WIF1: variants seen among roughly 807,000 people sequenced by gnomAD.
WIF1 encodes the protein Wnt inhibitory factor 1.
Under a neutral mutation model 53.5 loss-of-function variants are expected in WIF1, and 35 were observed. The observed-to-expected ratio is 0.65, with a 90% CI of 0.50 to 0.87. The LOEUF (loss-of-function observed/expected upper bound fraction) is 0.87. Among genes scored for constraint, WIF1 ranks in the 40% least tolerant of loss-of-function variants. WIF1 has a pLI of 0.00. For synonymous variants in WIF1, 171 were observed against 170.4 expected, an observed-to-expected ratio of 1.00 and a Z score of -0.03; for missense variants, 467 against 476.8, an observed-to-expected ratio of 0.98 and a Z score of 0.19.
At chr12:65,060,295 A>G (rs988184676) in intron 7 of WIF1, among the ~76,000 whole-genome samples, 12 of 152,218 alleles carry the variant, frequency 7.9e-5, no homozygotes, top group Non-Finnish European at 2.9e-5. Context: ...AAACAACCCA[A>G]ATGTCCAACA....
At chr12:65,100,380 C>CTT (rs1883264954) in intron 2 of WIF1, among the ~76,000 whole-genome samples, 1 of 152,168 alleles carries the variant, frequency 6.6e-6, no homozygotes, top group African/African-American at 2.4e-5. Context: ...CTGAGAAAAA[C>CTT]TTGTCCTAAC....
At chr12:65,117,809 A>T (rs1592407464) in intron 2 of WIF1, among the ~76,000 whole-genome samples, 1 of 152,070 alleles carries the variant, frequency 6.6e-6, no homozygotes, top group Non-Finnish European at 1.5e-5. Context: ...TAGGGTTCAC[A>T]CTCCTATGAG....
At chr12:65,093,383 T>A (rs1179923081) in intron 2 of WIF1, among the ~76,000 whole-genome samples, 1 of 152,198 alleles carries the variant, frequency 6.6e-6, no homozygotes, top group Non-Finnish European at 1.5e-5. Context: ...TTTTTTTGTT[T>A]GTTTTTTGCC....
In WIF1 at chr12:65,066,708, A is replaced by C; in HGVS notation, c.663T>G (p.Gly221=). 1.9e-6 allele frequency: 3 copies of C among 1,610,252 alleles called. No homozygotes were observed. Among genetic ancestry groups the C allele is most frequent in the Non-Finnish European group, 2.5e-6 (3 of 1,177,942 alleles). The change falls in exon 6 of 10, where the codon GGT becomes GGG. Residue 221 remains glycine (G), a synonymous_variant. Coordinates refer to ENST00000286574, the MANE Select transcript of WIF1 (RefSeq NM_007191.5). ...AGAAACCAGGAGTCACACAAAGTCC[A>C]CCATTCATACATCGTGGGGTACAAA... ...KALCTPRCMN[G]GLCVTPGFCI... is the part of the protein sequence containing the mutation.
At chr12:65,116,868 C>T (rs536459150) in intron 2 of WIF1, among the ~76,000 whole-genome samples, 77 of 134,742 alleles carry the variant, frequency 5.7e-4, no homozygotes, top group Non-Finnish European at 8.3e-4. Context: ...GGGAGGCAGA[C>T]GTTGCAGTGA....
chr12:65,060,651 C>A (rs1366628441), intron 7 of WIF1, among the ~76,000 whole-genome samples: 1 of 152,062 alleles, frequency 6.6e-6, no homozygotes, highest in Non-Finnish European at 1.5e-5. Context: ...TGTGAATAAC[C>A]CGAATGGTAC....
intron 2 of WIF1, among the ~76,000 whole-genome samples, chr12:65,119,528 A>C (rs1212074901): frequency 6.6e-6 from 1 of 152,200 alleles, no homozygotes; most frequent in African/African-American, 2.4e-5. Flanking sequence ...TTTCGGTATC[A>C]CATTCTTCTT....
At chr12:65,117,023 T>A (rs1481948608) in intron 2 of WIF1, among the ~76,000 whole-genome samples, 1 of 151,708 alleles carries the variant, frequency 6.6e-6, no homozygotes, top group African/African-American at 2.4e-5. Flanking sequence ...TATAAACTAC[T>A]TAATTTGTAT....
intron 2 of WIF1, among the ~76,000 whole-genome samples, chr12:65,087,049 C>G (rs1232865097): frequency 6.6e-6 from 1 of 152,026 alleles, no homozygotes; most frequent in African/African-American, 2.4e-5. Flanking sequence ...ACTCTGGAGG[C>G]TGAGGCAGGA....
intron 2 of WIF1, among the ~76,000 whole-genome samples, chr12:65,094,244 C>A (rs150894225): frequency 1.3e-5 from 2 of 152,114 alleles, no homozygotes; most frequent in African/African-American, 4.8e-5. Context: ...CACTCATTTG[C>A]GGAAAGCAAT....
intron 2 of WIF1, among the ~76,000 whole-genome samples, chr12:65,081,369 A>G (rs1389463856): frequency 6.6e-6 from 1 of 152,168 alleles, no homozygotes; most frequent in African/African-American, 2.4e-5. Flanking sequence ...TGGAACTGAA[A>G]AAATTCCATT....
At chr12:65,060,713 T>C (rs1399591102) in intron 7 of WIF1, among the ~76,000 whole-genome samples, 4 of 152,188 alleles carry the variant, frequency 2.6e-5, no homozygotes, top group Non-Finnish European at 1.5e-5. Context: ...TAATTAAAAA[T>C]AAGAATACAT....
At chr12:65,103,586 A>G (rs150451703) in intron 2 of WIF1, among the ~76,000 whole-genome samples, 3 of 152,326 alleles carry the variant, frequency 2.0e-5, no homozygotes, top group South Asian at 2.1e-4. Context: ...ATTTTGTTCT[A>G]TTTGGCTTCT....
chr12:65,080,347 G>A (rs987375942), intron 2 of WIF1, among the ~76,000 whole-genome samples: 1 of 152,158 alleles, frequency 6.6e-6, no homozygotes, highest in Non-Finnish European at 1.5e-5. Flanking sequence ...CATAAGGCAG[G>A]TAATTCTTAC....
intron 3 of WIF1, among the ~76,000 whole-genome samples, chr12:65,071,245 A>C (rs1882769453): frequency 6.6e-6 from 1 of 151,102 alleles, no homozygotes; most frequent in South Asian, 2.1e-4. Context: ...AAAAAAAAAA[A>C]AAAAAAAAAG....
chr12:65,066,561 G>A, intron 6 of WIF1, 80 bp downstream of exon 6: 1 of 1,174,002 alleles, frequency 8.5e-7, no homozygotes, highest in Non-Finnish European at 1.2e-6. Context: ...GTTATGAAGA[G>A]TGAGGACATA....
chr12:65,093,241 TA>T (rs1448499326), intron 2 of WIF1, among the ~76,000 whole-genome samples: 2 of 152,008 alleles, frequency 1.3e-5, no homozygotes, highest in Non-Finnish European at 2.9e-5. Flanking sequence ...TGAGAAAGAG[TA>T]AAGATCGCTC....
intron 2 of WIF1, among the ~76,000 whole-genome samples, chr12:65,086,013 C>T (rs1395580649): frequency 6.6e-6 from 1 of 152,024 alleles, no homozygotes; most frequent in Non-Finnish European, 1.5e-5. Context: ...CAACAGAGGG[C>T]TATATTGCTA....
intron 2 of WIF1, among the ~76,000 whole-genome samples, chr12:65,080,779 AG>A (rs1330182660): frequency 6.6e-5 from 10 of 152,214 alleles, no homozygotes; most frequent in African/African-American, 2.4e-4. Context: ...ATGATGGAAA[AG>A]AAATGAATGG....
Sources: gnomAD v4.1 joint callset for allele counts (sites outside exome capture counted in the v4.1 genomes callset) on GRCh38, gnomAD v4.1.1 for gene constraint, MANE v1.5 for transcripts, NCBI Gene and HGNC (gene_info 2026-07-23, HGNC 2026-07-21) for gene names.